TTC39C: variants seen among roughly 807,000 people sequenced by gnomAD.
The protein encoded by TTC39C is tetratricopeptide repeat domain 39C.
TTC39C carries 33 observed loss-of-function variants against 76.3 expected under a neutral mutation model. That is an observed-to-expected ratio of 0.43 (90% CI 0.33 to 0.58). The LOEUF (loss-of-function observed/expected upper bound fraction) is 0.58, where lower values mean the gene tolerates loss of function less well. Among genes scored for constraint, TTC39C ranks in the 20% least tolerant of loss-of-function variants. The pLI, the probability that TTC39C is intolerant of heterozygous loss-of-function variation, is 0.04. For synonymous variants in TTC39C, 254 were observed against 260.6 expected, an observed-to-expected ratio of 0.97 and a Z score of 0.24; for missense variants, 595 against 701.4, an observed-to-expected ratio of 0.85 and a Z score of 1.71.
intron 1 of TTC39C, among the ~76,000 whole-genome samples, chr18:24,018,720 A>T (rs947949694): frequency 6.6e-6 from 1 of 152,200 alleles, no homozygotes; most frequent in Admixed American, 6.5e-5. Context: ...GCAAGGAGAA[A>T]AGGAGAATGT....
intron 8 of TTC39C, among the ~76,000 whole-genome samples, chr18:24,118,659 T>G (rs2145815830): frequency 6.6e-6 from 1 of 152,106 alleles, no homozygotes; most frequent in Non-Finnish European, 1.5e-5. Context: ...TGTTAATTTT[T>G]TTTTTTTTTT....
intron 6 of TTC39C, among the ~76,000 whole-genome samples, chr18:24,100,537 C>T (rs534939457): frequency 6.6e-6 from 1 of 152,320 alleles, no homozygotes; most frequent in South Asian, 2.1e-4. Flanking sequence ...AGTGCCCAGT[C>T]GTTGGCTGTA....
chr18:24,042,241 G>A (rs1394638513), intron 1 of TTC39C, among the ~76,000 whole-genome samples: 1 of 152,172 alleles, frequency 6.6e-6, no homozygotes, highest in East Asian at 1.9e-4. Context: ...GTGCTATAGT[G>A]TAAGCAGTCC....
intron 6 of TTC39C, among the ~76,000 whole-genome samples, chr18:24,105,611 G>T (rs1034877942): frequency 6.6e-6 from 1 of 152,162 alleles, no homozygotes; most frequent in Admixed American, 6.5e-5. Flanking sequence ...AGTGGGGTGT[G>T]GGGAGCACTG....
At chr18:24,063,648 G>A (rs773418778) in intron 1 of TTC39C, among the ~76,000 whole-genome samples, 10 of 151,678 alleles carry the variant, frequency 6.6e-5, no homozygotes, top group Non-Finnish European at 1.3e-4. Flanking sequence ...CCAGTAGCTG[G>A]GATTACAGAC....
chr18:24,130,740 C>T (rs2145832981), intron 12 of TTC39C, among the ~76,000 whole-genome samples: 1 of 152,116 alleles, frequency 6.6e-6, no homozygotes, highest in South Asian at 2.1e-4. Context: ...TCACCTACTA[C>T]ACAACCAGGC....
At chr18:24,100,765 G>A (rs2084664101) in intron 6 of TTC39C, among the ~76,000 whole-genome samples, 1 of 152,218 alleles carries the variant, frequency 6.6e-6, no homozygotes, top group Admixed American at 6.5e-5. Context: ...TTTGAAAGAG[G>A]TGGGAGACCT....
chr18:24,105,978 C>G (rs1668906942), intron 6 of TTC39C, among the ~76,000 whole-genome samples: 1 of 152,202 alleles, frequency 6.6e-6, no homozygotes. Flanking sequence ...TCACCCCCAT[C>G]TCTGTCTCCG....
intron 1 of TTC39C, among the ~76,000 whole-genome samples, chr18:24,034,424 CTAA>C (rs1370680200): frequency 6.6e-6 from 1 of 152,108 alleles, no homozygotes; most frequent in African/African-American, 2.4e-5. Flanking sequence ...TTTTATTTCC[CTAA>C]TGTTTATAAA....
chr18:24,014,720 C>A, upstream of TTC39C: 2 of 1,115,322 alleles, frequency 1.8e-6, no homozygotes, highest in Non-Finnish European at 2.2e-6. Flanking sequence ...CGCGGTCCTT[C>A]CCTCCTCTTC....
chr18:23,997,981 A>G (rs2083283069), intron 1 of TTC39C, among the ~76,000 whole-genome samples: 1 of 152,180 alleles, frequency 6.6e-6, no homozygotes, highest in Admixed American at 6.5e-5. Flanking sequence ...TGAGGAACAG[A>G]GAGGGGCAGG....
intron 6 of TTC39C, among the ~76,000 whole-genome samples, chr18:24,088,079 T>C (rs1037354192): frequency 6.6e-6 from 1 of 152,192 alleles, no homozygotes; most frequent in African/African-American, 2.4e-5. Flanking sequence ...GTTTCTGAAG[T>C]CAGTTCCAAA....
At position 24,023,956 on chromosome 18, in the gene TTC39C, A is replaced by G. The variant is rs74559691; in HGVS notation, c.167+8918A>G. Among the ~76,000 whole-genome samples, 27 of 54,662 alleles carry G rather than the reference A, an allele frequency of 4.9e-4. 1 individual carries two copies. The highest frequency in any genetic ancestry group is 2.5e-3 in the African/African-American group (24 of 9,716). The allele number at this position is 54,662 out of a possible 152,430, so 35.9% of individuals were successfully genotyped here. The stretch of plus-strand genomic sequence containing the variant: ...TACATATATATATATGCATGTATAT[A>G]TATATATATATATATATATATATAC... On this transcript the variant is annotated intron_variant, in intron 1 of 13. Coordinates refer to ENST00000317571, the MANE Select transcript of TTC39C (RefSeq NM_001135993.2).
At chr18:24,041,024 G>A (rs952347723) in intron 1 of TTC39C, among the ~76,000 whole-genome samples, 3 of 152,218 alleles carry the variant, frequency 2.0e-5, no homozygotes, top group Admixed American at 6.5e-5. Context: ...GTAGTGAAAC[G>A]AAGTGGATTG....
chr18:24,023,492 T>C (rs2083540431), intron 1 of TTC39C, among the ~76,000 whole-genome samples: 1 of 152,166 alleles, frequency 6.6e-6, no homozygotes, highest in South Asian at 2.1e-4. Context: ...GCATTGTAAC[T>C]CTGGATGGCT....
intron 4 of TTC39C, among the ~76,000 whole-genome samples, chr18:24,073,693 A>T (rs960780279): frequency 3.3e-5 from 5 of 152,072 alleles, no homozygotes; most frequent in Non-Finnish European, 7.4e-5. Context: ...TTTTTTAAAA[A>T]TTTTTTGTAG....
intron 1 of TTC39C, chr18:24,022,854 C>A (rs2083533775): frequency 1.0e-6 from 1 of 985,324 alleles, no homozygotes; most frequent in Non-Finnish European, 1.2e-6. Flanking sequence ...CCAGGTATAT[C>A]TTGCTCTTCC....
At chr18:24,034,526 A>G (rs2083710238) in intron 1 of TTC39C, among the ~76,000 whole-genome samples, 1 of 152,178 alleles carries the variant, frequency 6.6e-6, no homozygotes, top group Non-Finnish European at 1.5e-5. Context: ...TCATTTTTAG[A>G]TGTACGGTAC....
At chr18:24,014,723 T>A, upstream of TTC39C, 1 of 1,119,036 alleles carries the variant, frequency 8.9e-7, no homozygotes. Flanking sequence ...GGTCCTTCCC[T>A]CCTCTTCCCT....
Sources: allele counts gnomAD v4.1 joint callset (sites outside exome capture counted in the v4.1 genomes callset), GRCh38; gene constraint gnomAD v4.1.1; transcripts MANE v1.5; gene names NCBI Gene and HGNC (gene_info 2026-07-23, HGNC 2026-07-21).